Variants in CNTNAP5 observed in about 807,000 individuals in gnomAD.
The protein encoded by CNTNAP5 is contactin associated protein family member 5, also known as contactin-associated protein-like 5.
CNTNAP5 carries 72 observed loss-of-function variants against 150.2 expected under a neutral mutation model. The observed-to-expected ratio is 0.48, with a 90% CI of 0.40 to 0.58. The LOEUF (loss-of-function observed/expected upper bound fraction) is 0.58. Ranked by LOEUF, CNTNAP5 falls within the 20% of genes least tolerant of loss-of-function variation. CNTNAP5 has a pLI of 0.00. For synonymous variants in CNTNAP5, 672 were observed against 619.8 expected (o/e 1.08, Z -1.25); for missense variants, 1,636 against 1,626.2 (o/e 1.01, Z -0.10).
chr2:124,563,770 C>T (rs1695947361), intron 11 of CNTNAP5, among the ~76,000 whole-genome samples: 1 of 152,168 alleles, frequency 6.6e-6, no homozygotes, highest in African/African-American at 2.4e-5. Flanking sequence ...TCCACCTTGT[C>T]CTTGTTCTTA....
At chr2:124,882,927 A>G (rs529879836) in intron 21 of CNTNAP5, among the ~76,000 whole-genome samples, 2 of 152,128 alleles carry the variant, frequency 1.3e-5, no homozygotes, top group South Asian at 4.1e-4. Flanking sequence ...CTAACTCACT[A>G]TCACAAGAAC....
intron 7 of CNTNAP5, among the ~76,000 whole-genome samples, chr2:124,501,450 G>A (rs975715851): frequency 6.6e-6 from 1 of 152,046 alleles, no homozygotes; most frequent in African/African-American, 2.4e-5. Context: ...AGATATATAG[G>A]GTAGAATATA....
chr2:124,045,620 A>G (rs1175477449), intron 1 of CNTNAP5, among the ~76,000 whole-genome samples: 1 of 152,202 alleles, frequency 6.6e-6, no homozygotes, highest in African/African-American at 2.4e-5. Flanking sequence ...GTTACAACAC[A>G]GAATGATGTT....
At chr2:124,782,317 C>G (rs1681469592) in intron 17 of CNTNAP5, among the ~76,000 whole-genome samples, 1 of 152,142 alleles carries the variant, frequency 6.6e-6, no homozygotes, top group Admixed American at 6.5e-5. Flanking sequence ...GTCCTGCTTG[C>G]TTTGTGTTCA....
At chr2:124,417,806 C>G (rs968504127) in intron 4 of CNTNAP5, among the ~76,000 whole-genome samples, 3 of 152,128 alleles carry the variant, frequency 2.0e-5, no homozygotes, top group African/African-American at 7.2e-5. Context: ...GATAAAGGCT[C>G]AATGAAACAT....
rs191898681 is a variant in CNTNAP5, at chr2:124,733,351, A to T, written c.2078-13878A>T. 1.7e-3 allele frequency among the ~76,000 whole-genome samples: 253 copies of T among 152,256 alleles called. 2 individuals are homozygous for T. The highest frequency in any genetic ancestry group is 5.7e-3 in the African/African-American group (238 of 41,566). On this transcript the variant is annotated intron_variant, in intron 13 of 23. Transcript: ENST00000682447. Reference sequence around the variant, plus strand: ...AATTTTCATTTTTTTTCAAAGTGCTATACAATTGAGAAGAGGAAATGCTTT... The same window carrying T: ...AATTTTCATTTTTTTTCAAAGTGCTTTACAATTGAGAAGAGGAAATGCTTT...
intron 1 of CNTNAP5, among the ~76,000 whole-genome samples, chr2:124,028,653 C>A (rs1680962187): frequency 6.6e-6 from 1 of 151,984 alleles, no homozygotes; most frequent in Admixed American, 6.5e-5. Context: ...AATGAAAAAT[C>A]ATTTTACATA....
At chr2:124,339,959 T>A (rs994241684) in intron 3 of CNTNAP5, among the ~76,000 whole-genome samples, 1 of 152,004 alleles carries the variant, frequency 6.6e-6, no homozygotes. Flanking sequence ...AAAAAAAAAC[T>A]TAGAATTTGC....
chr2:124,110,011 G>T (rs1573760097), intron 1 of CNTNAP5, among the ~76,000 whole-genome samples: 1 of 152,190 alleles, frequency 6.6e-6, no homozygotes, highest in East Asian at 1.9e-4. Context: ...AAGTACTATT[G>T]TAGGCTATTC....
intron 9 of CNTNAP5, among the ~76,000 whole-genome samples, chr2:124,526,983 A>T (rs1488548586): frequency 6.6e-6 from 1 of 152,198 alleles, no homozygotes; most frequent in Non-Finnish European, 1.5e-5. Flanking sequence ...GAAGGATGCC[A>T]TATAAAAGAA....
At chr2:124,689,857 C>T (rs955914232) in intron 13 of CNTNAP5, among the ~76,000 whole-genome samples, 1 of 152,044 alleles carries the variant, frequency 6.6e-6, no homozygotes, top group African/African-American at 2.4e-5. Context: ...TCTTTTCTCT[C>T]CCATTTTGCC....
At chr2:124,700,985 C>T (rs190868574) in intron 13 of CNTNAP5, among the ~76,000 whole-genome samples, 12 of 152,070 alleles carry the variant, frequency 7.9e-5, no homozygotes, top group South Asian at 6.2e-4. Context: ...CACATAGTTA[C>T]GCATTTTTTT....
At chr2:124,145,842 A>AAAAT (rs1558774015) in intron 1 of CNTNAP5, among the ~76,000 whole-genome samples, 10 of 146,408 alleles carry the variant, frequency 6.8e-5, no homozygotes, top group East Asian at 2.0e-4. Flanking sequence ...GAAAAAAAAA[A>AAAAT]AAAATAAAAT....
intron 1 of CNTNAP5, among the ~76,000 whole-genome samples, chr2:124,161,215 G>T (rs1428516834): frequency 6.6e-6 from 1 of 152,078 alleles, no homozygotes; most frequent in Non-Finnish European, 1.5e-5. Flanking sequence ...TATAGATAGG[G>T]TGAGATAGAT....
At chr2:124,062,721 C>T (rs1305020029) in intron 1 of CNTNAP5, among the ~76,000 whole-genome samples, 2 of 152,054 alleles carry the variant, frequency 1.3e-5, no homozygotes, top group African/African-American at 2.4e-5. Flanking sequence ...TAAGAAAGCT[C>T]TAAGTTGTCT....
At chr2:124,803,857 A>G (rs1262986185) in intron 19 of CNTNAP5, among the ~76,000 whole-genome samples, 3 of 152,150 alleles carry the variant, frequency 2.0e-5, no homozygotes, top group African/African-American at 7.2e-5. Flanking sequence ...CATTCCTGCT[A>G]TCTTATGGAA....
chr2:124,581,241 GC>G (rs1696404876), intron 11 of CNTNAP5, among the ~76,000 whole-genome samples: 1 of 152,166 alleles, frequency 6.6e-6, no homozygotes, highest in Non-Finnish European at 1.5e-5. Context: ...GTCTTTATTA[GC>G]AAAGATCATT....
chr2:124,358,772 G>C (rs1458461426), intron 3 of CNTNAP5, among the ~76,000 whole-genome samples: 1 of 151,472 alleles, frequency 6.6e-6, no homozygotes, highest in Non-Finnish European at 1.5e-5. Context: ...TCTCTTTTTT[G>C]GTTGTGTCTC....
chr2:124,066,279 A>G (rs1682151817), intron 1 of CNTNAP5, among the ~76,000 whole-genome samples: 1 of 152,232 alleles, frequency 6.6e-6, no homozygotes, highest in Non-Finnish European at 1.5e-5. Flanking sequence ...ATTTCAGTTT[A>G]GTCTTGATCA....
Sources: gnomAD v4.1 joint callset for allele counts (sites outside exome capture counted in the v4.1 genomes callset) on GRCh38, gnomAD v4.1.1 for gene constraint, MANE v1.5 for transcripts, NCBI Gene and HGNC (gene_info 2026-07-23, HGNC 2026-07-21) for gene names.